SP140: variants seen among roughly 807,000 people sequenced by gnomAD.
SP140 encodes the protein nuclear body protein SP140.
SP140 carries 81 observed loss-of-function variants against 125.0 expected under a neutral mutation model. The ratio of observed to expected loss-of-function variants is 0.65; its 90% CI spans 0.54 to 0.78. SP140 has a LOEUF of 0.78. Ranked by LOEUF, SP140 falls within the 30% of genes least tolerant of loss-of-function variation. SP140 has a pLI of 0.00. For missense variants in SP140, 858 were observed against 1,037.0 expected (o/e 0.83, Z 2.37); for synonymous variants, 312 against 354.0 (o/e 0.88, Z 1.33).
chr2:230,284,697 C>A (rs1485911308), intron 16 of SP140, among the ~76,000 whole-genome samples: 1 of 152,190 alleles, frequency 6.6e-6, no homozygotes, highest in African/African-American at 2.4e-5. Context: ...TTTGGAAAGA[C>A]ATTCCTAAGA....
chr2:230,191,680 T>A, the SP140 span, among the ~76,000 whole-genome samples: 1 of 152,302 alleles, frequency 6.6e-6, no homozygotes, highest in Admixed American at 6.5e-5. Flanking sequence ...CCAGATGGAT[T>A]CACAGCTGAT....
the SP140 span, among the ~76,000 whole-genome samples, chr2:230,188,575 G>A: frequency 2.6e-4 from 40 of 152,098 alleles, 1 homozygote; most frequent in African/African-American, 8.9e-4. Flanking sequence ...AGTTCTCCAG[G>A]GGAATGCATT....
chr2:230,253,501 C>T, intron 11 of SP140, 84 bp downstream of exon 11: 1 of 978,916 alleles, frequency 1.0e-6, no homozygotes, highest in Admixed American at 1.8e-5. Flanking sequence ...TTTCTCCCAT[C>T]CTACCCTTCT....
chr2:230,195,802 A>G, the SP140 span, among the ~76,000 whole-genome samples: 4 of 152,184 alleles, frequency 2.6e-5, no homozygotes, highest in Non-Finnish European at 5.9e-5. Flanking sequence ...ACTGAAAAAA[A>G]CTGTTCACAG....
At chr2:230,282,737 G>A (rs571493155) in intron 15 of SP140, among the ~76,000 whole-genome samples, 26 of 152,328 alleles carry the variant, frequency 1.7e-4, no homozygotes, top group African/African-American at 6.0e-4. Context: ...GCAAGTTAGT[G>A]CCTGGCTTTC....
chr2:230,229,017 A>G (rs1179863493), intron 1 of SP140, among the ~76,000 whole-genome samples: 2 of 151,710 alleles, frequency 1.3e-5, no homozygotes, highest in Non-Finnish European at 2.9e-5. Context: ...TTATGCTTCT[A>G]TTTTCTCTCC....
At chr2:230,286,736 G>C (rs2056434935) in intron 17 of SP140, among the ~76,000 whole-genome samples, 1 of 152,196 alleles carries the variant, frequency 6.6e-6, no homozygotes, top group Non-Finnish European at 1.5e-5. Flanking sequence ...GTGGCCTGGT[G>C]CATTGTCCTA....
At chr2:230,268,754 G>A (rs2053506193) in intron 12 of SP140, among the ~76,000 whole-genome samples, 1 of 152,150 alleles carries the variant, frequency 6.6e-6, no homozygotes, top group Non-Finnish European at 1.5e-5. Context: ...GATTCACTTG[G>A]CAGTAGGTCA....
intron 15 of SP140, among the ~76,000 whole-genome samples, chr2:230,279,243 A>T (rs1277397456): frequency 6.6e-6 from 1 of 152,186 alleles, no homozygotes; most frequent in African/African-American, 2.4e-5. Context: ...TATTACCCAA[A>T]GTGATCTGAA....
intron 3 of SP140, among the ~76,000 whole-genome samples, chr2:230,239,577 T>G (rs764515919): frequency 3.3e-5 from 5 of 152,088 alleles, no homozygotes; most frequent in Non-Finnish European, 4.4e-5. Flanking sequence ...CTCCTGAGTA[T>G]CTGGGATTAC....
At chr2:230,310,265 GT>G (rs1236440526) in intron 23 of SP140, 6 of 556,678 alleles carry the variant, frequency 1.1e-5, no homozygotes, top group Admixed American at 3.1e-5. Flanking sequence ...TGAGGGCAGT[GT>G]TGGGGACCTT....
rs746367473 is a variant in SP140, at chr2:230,269,560, G to C, written c.1269G>C (p.Met423Ile). The change falls in exon 13 of 27, where the codon ATG becomes ATC. Residue 423 changes from methionine to isoleucine, a missense_variant. Physicochemically the swap from Met to Ile is conservative, Grantham distance 10 (BLOSUM62 1). Around this residue, in one of 4 missense-constraint regions of SP140, gnomAD observed 791 missense variants for 869.5 expected, o/e 0.91. Transcript: ENST00000392045. Reference protein sequence around the residue: ...SVSSELENHPMNEEGESEELA... With the variant: ...SVSSELENHPINEEGESEELA... ...CTAGTGAACTAGAAAATCACCCAATGAATGAAGAAGGAGAATCAGAAGAGC... is the reference window on the plus strand; with the variant it reads ...CTAGTGAACTAGAAAATCACCCAATCAATGAAGAAGGAGAATCAGAAGAGC... 1 of 1,607,962 alleles carries C rather than the reference G, an allele frequency of 6.2e-7. No individual in the cohort carries two copies. The highest frequency in any genetic ancestry group is 8.5e-7 in the Non-Finnish European group (1 of 1,175,228).
chr2:230,203,070 G>C (rs1232028088), upstream of SP140: 4 of 347,896 alleles, frequency 1.1e-5, no homozygotes, highest in Non-Finnish European at 2.2e-5. Context: ...GTGGAGAGGA[G>C]GTGTCTTATA....
intron 14 of SP140, 105 bp downstream of exon 14, chr2:230,270,058 G>A (rs987375974): frequency 5.4e-5 from 40 of 739,788 alleles, no homozygotes; most frequent in Admixed American, 1.4e-4. Flanking sequence ...TCTATTCTCC[G>A]CATTTGCTTG....
chr2:230,309,759 A>G (rs1405317915), intron 22 of SP140, among the ~76,000 whole-genome samples, 165 bp from the exon 23 acceptor site: 1 of 152,158 alleles, frequency 6.6e-6, no homozygotes, highest in Non-Finnish European at 1.5e-5. Flanking sequence ...GCAGACCAGG[A>G]TTTGTTCTGA....
the SP140 span, among the ~76,000 whole-genome samples, chr2:230,194,844 A>C: frequency 4.6e-5 from 7 of 152,272 alleles, no homozygotes; most frequent in Admixed American, 6.5e-5. Flanking sequence ...GATAAGAGAA[A>C]AGAAGACTAG....
At chr2:230,226,816 TG>T (rs1435117668) in intron 1 of SP140, among the ~76,000 whole-genome samples, 1 of 150,864 alleles carries the variant, frequency 6.6e-6, no homozygotes, top group Non-Finnish European at 1.5e-5. Flanking sequence ...TCTTCTTATC[TG>T]TGGATTCTGT....
chr2:230,189,326 C>T, the SP140 span, among the ~76,000 whole-genome samples: 2 of 152,076 alleles, frequency 1.3e-5, no homozygotes, highest in Non-Finnish European at 2.9e-5. Flanking sequence ...GCGCTATGAA[C>T]TTTCCTCTTA....
intron 1 of SP140, among the ~76,000 whole-genome samples, chr2:230,206,819 T>TTAGAGCTA (rs898927530): frequency 1.3e-5 from 2 of 151,792 alleles, no homozygotes; most frequent in Admixed American, 1.3e-4. Flanking sequence ...ACCATGAGAA[T>TTAGAGCTA]TAGAGCTATA....
Sources: allele counts gnomAD v4.1 joint callset (sites outside exome capture counted in the v4.1 genomes callset), GRCh38; gene constraint gnomAD v4.1.1; regional missense constraint gnomAD v4.1.1; transcripts MANE v1.5; gene names NCBI Gene and HGNC (gene_info 2026-07-23, HGNC 2026-07-21).